The following NAV1 variants were observed in gnomAD, a reference collection of about 807,000 sequenced individuals.
NAV1 encodes the protein neuron navigator 1, also known as pore membrane and/or filament interacting like protein 3.
A neutral mutation model predicts 175.2 loss-of-function variants in NAV1; 18 were observed. The ratio of observed to expected loss-of-function variants is 0.10; its 90% confidence interval spans 0.07 to 0.15. The LOEUF is 0.15. Among genes scored for constraint, NAV1 ranks in the 10% least tolerant of loss-of-function variants. The probability of loss-of-function intolerance (pLI) is 1.00; values close to 1 mark genes in which losing one functional copy is unlikely to be tolerated. For synonymous variants in NAV1, 897 were observed against 978.7 expected, an observed-to-expected ratio of 0.92 and a Z score of 1.56; for missense variants, 1,731 against 2,436.6, an observed-to-expected ratio of 0.71 and a Z score of 6.10.
intron 15 of NAV1, among the ~76,000 whole-genome samples, chr1:201,800,620 A>G (rs1471297829): frequency 6.6e-6 from 1 of 152,188 alleles, no homozygotes; most frequent in Non-Finnish European, 1.5e-5. Context: ...GATAAACTAT[A>G]TAAGAGGGTA....
chr1:201,549,147 T>C (rs1390776336), intron 1 of NAV1, among the ~76,000 whole-genome samples: 2 of 140,336 alleles, frequency 1.4e-5, no homozygotes, highest in Non-Finnish European at 3.1e-5. Context: ...TTCTTTCTTC[T>C]TTCTCTCTCT....
Position 201,780,563 on chromosome 1 carries a change from C to T in NAV1, c.1365+4C>T, listed in dbSNP as rs61753857. The T allele has an allele frequency of 5.7e-3, 9,175 of 1,614,134 alleles. 28 individuals are homozygous for T. The highest frequency in any genetic ancestry group is 6.9e-3 in the Non-Finnish European group (8,185 of 1,180,008). The stretch of plus-strand genomic sequence containing the variant: ...TCGCAGGAACTCAACAATAGTGGTA[C>T]GTGAGTTTGCAAACACCCAAGCTGC... On this transcript the variant is annotated splice_donor_region_variant and intron_variant, in intron 4 of 29. Transcript: ENST00000367296.
intron 3 of NAV1, among the ~76,000 whole-genome samples, chr1:201,762,351 G>C (rs916033054): frequency 6.6e-6 from 1 of 152,188 alleles, no homozygotes; most frequent in Non-Finnish European, 1.5e-5. Flanking sequence ...ATTTTTAGGG[G>C]TTCTTTTTTT....
intron 1 of NAV1, among the ~76,000 whole-genome samples, chr1:201,670,621 G>A (rs1670006271): frequency 1.3e-5 from 2 of 151,774 alleles, no homozygotes; most frequent in Admixed American, 6.6e-5. Context: ...GATGATGGCA[G>A]TGATGATGGT....
intron 13 of NAV1, 82 bp downstream of exon 17, chr1:201,790,848 C>A: frequency 7.2e-7 from 1 of 1,392,818 alleles, no homozygotes; most frequent in Non-Finnish European, 1.0e-6. Flanking sequence ...GGAAAACTAC[C>A]TGGTAAGGTA....
intron 28 of NAV1, among the ~76,000 whole-genome samples, chr1:201,814,848 G>A (rs1323036157): frequency 6.6e-6 from 1 of 151,846 alleles, no homozygotes; most frequent in Non-Finnish European, 1.5e-5. Context: ...GACCGTCGTG[G>A]CTAACACAGT....
intron 2 of NAV1, among the ~76,000 whole-genome samples, chr1:201,599,049 A>G (rs925359114): frequency 6.6e-6 from 1 of 152,168 alleles, no homozygotes; most frequent in Non-Finnish European, 1.5e-5. Flanking sequence ...CCCACTTAGC[A>G]TATGGGGAGG....
At chr1:201,772,393 G>A (rs189016860) in intron 3 of NAV1, among the ~76,000 whole-genome samples, 10 of 152,326 alleles carry the variant, frequency 6.6e-5, no homozygotes, top group Admixed American at 4.6e-4. Flanking sequence ...ATAGTGGTGT[G>A]AGGACCGGCT....
chr1:201,643,361 CTTCTTTCT>C (rs763594947), upstream of NAV1, among the ~76,000 whole-genome samples: 1 of 141,292 alleles, frequency 7.1e-6, no homozygotes, highest in African/African-American at 2.6e-5. Flanking sequence ...TCTTCCCTCT[CTTCTTTCT>C]TTCTTTCTTT....
intron 1 of NAV1, among the ~76,000 whole-genome samples, chr1:201,680,252 G>C (rs1192488037): frequency 6.6e-6 from 1 of 152,168 alleles, no homozygotes; most frequent in African/African-American, 2.4e-5. Flanking sequence ...GCTCACGCCT[G>C]TAATCCCAGC....
rs148859586 is a variant in NAV1, at chr1:201,723,491, A to G, written c.1226+4736A>G. 8 of 152,286 alleles carry G rather than the reference A, an allele frequency of 5.3e-5. No individual in the cohort carries two copies. The South Asian group carries it at 8.3e-4, about 16-fold the overall frequency. 9.4% of individuals were successfully genotyped at this position (152,286 alleles called of 1,614,324 possible). On this transcript the variant is annotated intron_variant, in intron 3 of 29. Transcript: ENST00000367296. ...TTGTTGGCTATGCTTTGAGTGTCATATCTAAGAAATCACTGCAAAATCTAA... is the reference window on the plus strand; with the variant it reads ...TTGTTGGCTATGCTTTGAGTGTCATGTCTAAGAAATCACTGCAAAATCTAA...
At chr1:201,764,569 T>C (rs74136668) in intron 3 of NAV1, among the ~76,000 whole-genome samples, 5,677 of 152,280 alleles carry the variant, frequency 0.037, 268 homozygotes, top group Admixed American at 0.11. Flanking sequence ...ATACAGTCAC[T>C]GGGAGTTACA....
intron 1 of NAV1, among the ~76,000 whole-genome samples, chr1:201,556,308 C>G (rs921154072): frequency 2.6e-5 from 4 of 151,940 alleles, no homozygotes; most frequent in Non-Finnish European, 4.4e-5. Flanking sequence ...GTCCCAGCTA[C>G]TCGGGAGGCT....
chr1:201,712,798 T>C lies in NAV1; in HGVS notation c.758-19T>C. ...TAAGTTCTCTTCACTCACCCAGCTC[T>C]TCCTTCTCTCCCTACCAGACCCAGA... On this transcript the variant is annotated intron_variant, in intron 1 of 29. Transcript: ENST00000367296. 6.4e-7 allele frequency: 1 copy of C among 1,572,788 alleles called. No individual in the cohort carries two copies. The highest frequency in any genetic ancestry group is 1.1e-5 in the South Asian group (1 of 90,220).
At chr1:201,683,618 G>A (rs1441324935) in intron 1 of NAV1, among the ~76,000 whole-genome samples, 1 of 152,202 alleles carries the variant, frequency 6.6e-6, no homozygotes, top group Non-Finnish European at 1.5e-5. Context: ...GGTTCCTGCT[G>A]TGTGGCATAC....
chr1:201,743,948 G>A (rs955253297), intron 3 of NAV1, among the ~76,000 whole-genome samples: 14 of 152,178 alleles, frequency 9.2e-5, no homozygotes, highest in African/African-American at 3.4e-4. Context: ...GCAATGGCAT[G>A]ATCTCAGCTC....
chr1:201,590,825 G>A (rs549280621), intron 2 of NAV1, among the ~76,000 whole-genome samples: 1 of 152,204 alleles, frequency 6.6e-6, no homozygotes, highest in Non-Finnish European at 1.5e-5. Flanking sequence ...GTGGAATGGG[G>A]TGGGATAGGT....
intron 7 of NAV1, 115 bp downstream of exon 11, chr1:201,783,967 C>A: frequency 1.1e-6 from 1 of 936,822 alleles, no homozygotes; most frequent in Non-Finnish European, 1.6e-6. Context: ...CATTTTTTCA[C>A]ATATATTAAG....
chr1:201,547,691 C>T (rs923055441), intron 1 of NAV1, among the ~76,000 whole-genome samples: 1 of 152,196 alleles, frequency 6.6e-6, no homozygotes, highest in Non-Finnish European at 1.5e-5. Flanking sequence ...CCACTCCATG[C>T]TGCATGTCAT....
Sources: allele counts gnomAD v4.1 joint callset (sites outside exome capture counted in the v4.1 genomes callset), GRCh38; gene constraint gnomAD v4.1.1; transcripts MANE v1.5; gene names NCBI Gene and HGNC (gene_info 2026-07-23, HGNC 2026-07-21).